Variants in DAB1 observed in about 807,000 individuals in gnomAD.
The protein encoded by DAB1 is disabled homolog 1.
A neutral mutation model predicts 64.6 loss-of-function variants in DAB1; 15 were observed. The ratio of observed to expected loss-of-function variants is 0.23; its 90% CI spans 0.16 to 0.36. DAB1 has a LOEUF of 0.36. Among genes scored for constraint, DAB1 ranks in the 10% least tolerant of loss-of-function variants. The pLI, the probability that DAB1 is intolerant of heterozygous loss-of-function variation, is 1.00. For missense variants in DAB1, 596 were observed against 706.7 expected (o/e 0.84, Z 1.78); for synonymous variants, 235 against 251.9 (o/e 0.93, Z 0.64).
intron 7 of DAB1, among the ~76,000 whole-genome samples, chr1:57,578,038 G>T (rs1312302058): frequency 6.6e-6 from 1 of 152,200 alleles, no homozygotes; most frequent in South Asian, 2.1e-4. Flanking sequence ...CAGCCACTGG[G>T]CTGAGGTGCC....
chr1:57,587,767 C>T (rs1645397917), intron 7 of DAB1, among the ~76,000 whole-genome samples: 1 of 152,124 alleles, frequency 6.6e-6, no homozygotes, highest in South Asian at 2.1e-4. Context: ...AGAGACTTGC[C>T]CAAGGCCACT....
At chr1:58,022,731 C>T (rs894148780) in intron 5 of DAB1, among the ~76,000 whole-genome samples, 18 of 152,154 alleles carry the variant, frequency 1.2e-4, no homozygotes, top group Admixed American at 6.5e-4. Context: ...CTCTAAACTA[C>T]GTAATATAAT....
intron 2 of DAB1, among the ~76,000 whole-genome samples, chr1:57,186,521 T>C (rs1482324956): frequency 6.6e-6 from 1 of 152,224 alleles, no homozygotes; most frequent in South Asian, 2.1e-4. Flanking sequence ...AATGGAATGT[T>C]ACATGGCTAA....
At chr1:57,772,666 A>G (rs998511833) in intron 6 of DAB1, among the ~76,000 whole-genome samples, 5 of 152,060 alleles carry the variant, frequency 3.3e-5, no homozygotes, top group East Asian at 1.9e-4. Context: ...TTTGCTCCAC[A>G]TTGTTGTCAG....
At chr1:57,263,363 GCC>G (rs1185767820) in intron 2 of DAB1, among the ~76,000 whole-genome samples, 27 of 152,028 alleles carry the variant, frequency 1.8e-4, no homozygotes, top group African/African-American at 6.3e-4. Context: ...CAGGTGATCT[GCC>G]CACTTTGGCC....
intron 1 of DAB1, among the ~76,000 whole-genome samples, chr1:57,422,402 C>A (rs1017709612): frequency 1.3e-5 from 2 of 150,778 alleles, no homozygotes; most frequent in Non-Finnish European, 3.0e-5. Flanking sequence ...AGCTCCCAGG[C>A]GGAGAAAGGC....
At chr1:58,141,470 C>T (rs565716522) in intron 5 of DAB1, among the ~76,000 whole-genome samples, 2 of 152,092 alleles carry the variant, frequency 1.3e-5, no homozygotes, top group African/African-American at 4.8e-5. Flanking sequence ...ATAGAGGCTA[C>T]AATTTAAGAT....
At chr1:58,331,454 T>C (rs992739588) in intron 4 of DAB1, among the ~76,000 whole-genome samples, 11 of 152,198 alleles carry the variant, frequency 7.2e-5, no homozygotes, top group African/African-American at 2.7e-4. Flanking sequence ...TGGTCCAATT[T>C]TGAGAGAAAT....
intron 4 of DAB1, among the ~76,000 whole-genome samples, chr1:58,195,134 G>T (rs909510922): frequency 7.1e-6 from 1 of 139,916 alleles, no homozygotes; most frequent in Non-Finnish European, 1.5e-5. Context: ...AGGAGAGAGA[G>T]AGAGAGAGAC....
intron 3 of DAB1, among the ~76,000 whole-genome samples, chr1:58,398,519 G>GTACCCACT (rs1448806536): frequency 1.3e-5 from 2 of 152,338 alleles, no homozygotes; most frequent in East Asian, 3.9e-4. Context: ...TACCCACTGT[G>GTACCCACT]GCGCATCCAT....
rs1557427796 is a variant in DAB1, at chr1:57,695,372, GAAA to G, written n.552-45710_552-45708del. Among the ~76,000 whole-genome samples, 418 of 54,302 alleles carry G rather than the reference GAAA, an allele frequency of 7.7e-3. 25 individuals carry two copies. Among genetic ancestry groups the G allele is most frequent in the African/African-American group, 0.036 (397 of 11,154 alleles). 35.6% of individuals were successfully genotyped at this position (54,302 alleles called of 152,430 possible). A position where few individuals can be genotyped will look rare whatever the true frequency, so the allele number is the denominator to read the frequency against. On this transcript the variant is annotated intron_variant and non_coding_transcript_variant, in intron 6 of 20. Transcript: ENST00000485760. The stretch of plus-strand genomic sequence containing the variant: ...AGAAAGAAAAGAAAGAAGAAAGAAA[GAAA>G]GAAAGAAAGAAAGAAAGAAAGAAAG...
intron 3 of DAB1, among the ~76,000 whole-genome samples, chr1:58,487,452 T>A (rs1463173063): frequency 6.6e-6 from 1 of 152,236 alleles, no homozygotes. Context: ...TATCAAATTG[T>A]CAAAACAAAA....
intron 7 of DAB1, among the ~76,000 whole-genome samples, chr1:57,458,464 G>A (rs1226836022): frequency 6.6e-6 from 1 of 150,640 alleles, no homozygotes; most frequent in African/African-American, 2.5e-5. Context: ...ATGCCATTCA[G>A]GTACTCCTAT....
chr1:57,796,452 G>T (rs531531355), intron 6 of DAB1, among the ~76,000 whole-genome samples: 1 of 151,972 alleles, frequency 6.6e-6, no homozygotes, highest in Non-Finnish European at 1.5e-5. Flanking sequence ...GCATGAACCC[G>T]GGAGGTGGAG....
chr1:57,794,973 T>C (rs186819746), intron 6 of DAB1, among the ~76,000 whole-genome samples: 1 of 152,344 alleles, frequency 6.6e-6, no homozygotes, highest in East Asian at 1.9e-4. Context: ...TGGCACTGTT[T>C]GCTGGAGCAT....
chr1:57,196,591 T>C (rs545587431), intron 2 of DAB1, among the ~76,000 whole-genome samples: 82 of 152,336 alleles, frequency 5.4e-4, no homozygotes, highest in Non-Finnish European at 8.8e-4. Context: ...TCCTGTTTAA[T>C]TAAGGTAATT....
At chr1:58,358,988 C>G (rs1644138785) in intron 3 of DAB1, among the ~76,000 whole-genome samples, 1 of 76,034 alleles carries the variant, frequency 1.3e-5, no homozygotes, top group African/African-American at 4.8e-5. Context: ...TCAAAGGATG[C>G]TGGGATCTAG....
At chr1:58,180,267 CTTTTTTTTCTTTTCTTTTTTTT>C (rs1656706472) in intron 4 of DAB1, among the ~76,000 whole-genome samples, 1 of 72,638 alleles carries the variant, frequency 1.4e-5, no homozygotes, top group Non-Finnish European at 2.6e-5. Context: ...TTTCTTTTTT[CTTTTTTTTCTTTTCTTTTTTTT>C]TTTTTTTTTT....
At chr1:57,783,118 T>TTTC (rs1353170490) in intron 6 of DAB1, among the ~76,000 whole-genome samples, 1 of 145,344 alleles carries the variant, frequency 6.9e-6, no homozygotes, top group African/African-American at 2.5e-5. Flanking sequence ...TTTTTTTTTT[T>TTTC]TTTTTTACAG....
Sources: allele counts gnomAD v4.1 joint callset (sites outside exome capture counted in the v4.1 genomes callset), GRCh38; gene constraint gnomAD v4.1.1; transcripts MANE v1.5; gene names NCBI Gene and HGNC (gene_info 2026-07-23, HGNC 2026-07-21).